Variants in EYS observed in about 807,000 individuals in gnomAD.
The protein encoded by EYS is protein eyes shut homolog.
A neutral mutation model predicts 282.1 loss-of-function variants in EYS; 250 were observed. The observed-to-expected ratio is 0.89, with a 90% CI of 0.80 to 0.98. The LOEUF (loss-of-function observed/expected upper bound fraction) is 0.98. Among genes scored for constraint, EYS ranks in the 50% least tolerant of loss-of-function variants. The pLI is 0.00. For missense variants in EYS, 4,016 were observed against 3,709.0 expected (o/e 1.08, Z -2.15); for synonymous variants, 1,355 against 1,282.9 (o/e 1.06, Z -1.20).
At position 64,694,747 on chromosome 6, in the gene EYS, G is replaced by T. The variant is rs116178536; in HGVS notation, c.3444-68502C>A. 5.4e-3 allele frequency among the ~76,000 whole-genome samples: 830 copies of T among 152,306 alleles called. 3 individuals are homozygous for T. The highest frequency in any genetic ancestry group is 9.2e-3 in the Non-Finnish European group (625 of 68,018). On this transcript the variant is annotated intron_variant, in intron 22 of 42. Coordinates refer to ENST00000503581, the MANE Select transcript of EYS (RefSeq NM_001142800.2). ...ATAAGCTCCAGCGATGGACATGGGA[G>T]TTGGATGTCCCCACTTTTGTGAGAC...
intron 22 of EYS, among the ~76,000 whole-genome samples, chr6:64,735,993 TA>T (rs1181881670): frequency 6.6e-6 from 1 of 152,028 alleles, no homozygotes; most frequent in Non-Finnish European, 1.5e-5. Context: ...TGAAGTTCTA[TA>T]AAAGATGAAT....
chr6:64,738,733 A>G (rs1196543036), intron 22 of EYS, among the ~76,000 whole-genome samples: 2 of 152,244 alleles, frequency 1.3e-5, no homozygotes, highest in African/African-American at 2.4e-5. Context: ...GAGAAAGGCC[A>G]TGCAAAAAAG....
At chr6:63,737,997 C>G (rs1180712630) in intron 41 of EYS, among the ~76,000 whole-genome samples, 1 of 152,222 alleles carries the variant, frequency 6.6e-6, no homozygotes, top group African/African-American at 2.4e-5. Flanking sequence ...TGCTCACCAT[C>G]ACTGGCCATC....
At chr6:65,383,853 A>G (rs941974078) in intron 8 of EYS, among the ~76,000 whole-genome samples, 1 of 151,920 alleles carries the variant, frequency 6.6e-6, no homozygotes, top group Non-Finnish European at 1.5e-5. Flanking sequence ...TACCAGGTTT[A>G]GTTTCAGATT....
chr6:64,418,071 A>T (rs1029442816), intron 28 of EYS, among the ~76,000 whole-genome samples: 1 of 152,180 alleles, frequency 6.6e-6, no homozygotes, highest in Admixed American at 6.5e-5. Context: ...CAGAGTGGTG[A>T]CATAGGAGAA....
intron 35 of EYS, among the ~76,000 whole-genome samples, chr6:63,968,905 A>G (rs1243253918): frequency 1.3e-5 from 2 of 152,226 alleles, no homozygotes; most frequent in African/African-American, 4.8e-5. Context: ...CTTGGTAGGA[A>G]TATGTGAAAA....
chr6:65,198,797 G>A (rs1405895648), intron 12 of EYS, among the ~76,000 whole-genome samples: 2 of 152,124 alleles, frequency 1.3e-5, no homozygotes, highest in African/African-American at 4.8e-5. Flanking sequence ...GTTCAGATTA[G>A]GTGGTAACCT....
intron 22 of EYS, among the ~76,000 whole-genome samples, chr6:64,747,066 C>A (rs1457421334): frequency 6.6e-6 from 1 of 152,190 alleles, no homozygotes; most frequent in African/African-American, 2.4e-5. Flanking sequence ...CCATCTGTAA[C>A]TATTCTCTGG....
rs778809745 is a variant in EYS, at chr6:63,937,345, C to CTTTTTTTTTTTTT, written c.7055+47025_7055+47037dup. The stretch of plus-strand genomic sequence containing the variant: ...CAAATTTTCTAGGCTTCTCTCTTTT[C>CTTTTTTTTTTTTT]TTTTTTTTTTTTTTTTTTTTTTTTT... On this transcript the variant is annotated intron_variant, in intron 35 of 42. Transcript: ENST00000503581. 3.3e-4 allele frequency among the ~76,000 whole-genome samples: 18 copies of CTTTTTTTTTTTTT among 54,486 alleles called. 2 individuals are homozygous for CTTTTTTTTTTTTT. The highest frequency in any genetic ancestry group is 5.3e-4 in the Non-Finnish European group (15 of 28,428). 35.7% of individuals were successfully genotyped at this position (54,486 alleles called of 152,430 possible).
chr6:64,198,825 C>G (rs191336339), intron 31 of EYS, among the ~76,000 whole-genome samples: 2 of 152,238 alleles, frequency 1.3e-5, no homozygotes, highest in Admixed American at 1.3e-4. Flanking sequence ...GATTTATAAT[C>G]CTTTGAGCGT....
At chr6:64,662,459 T>C (rs1269699314) in intron 22 of EYS, among the ~76,000 whole-genome samples, 1 of 152,162 alleles carries the variant, frequency 6.6e-6, no homozygotes, top group East Asian at 1.9e-4. Flanking sequence ...GCAAATACTT[T>C]CTGTTCAGAA....
chr6:65,202,811 GGA>G (rs1765935984), intron 12 of EYS, among the ~76,000 whole-genome samples: 1 of 152,094 alleles, frequency 6.6e-6, no homozygotes, highest in Non-Finnish European at 1.5e-5. Context: ...GATGCCAGAG[GGA>G]GACTCACCAA....
chr6:65,295,494 C>T (rs1768635877), intron 12 of EYS, among the ~76,000 whole-genome samples: 1 of 151,882 alleles, frequency 6.6e-6, no homozygotes, highest in South Asian at 2.1e-4. Context: ...ATTGTCACTC[C>T]ATGTGCTTAT....
chr6:63,796,351 C>T (rs954236124), intron 37 of EYS, among the ~76,000 whole-genome samples: 4 of 152,116 alleles, frequency 2.6e-5, no homozygotes, highest in Non-Finnish European at 5.9e-5. Context: ...CATATTGGGA[C>T]TCTAAAACAT....
chr6:65,615,336 T>C (rs1766147355), intron 2 of EYS, among the ~76,000 whole-genome samples: 2 of 151,230 alleles, frequency 1.3e-5, no homozygotes, highest in South Asian at 2.1e-4. Context: ...CTGAGGAAAA[T>C]AATTCATCCC....
At chr6:63,759,235 C>G (rs961162827) in intron 41 of EYS, among the ~76,000 whole-genome samples, 4 of 152,060 alleles carry the variant, frequency 2.6e-5, no homozygotes, top group Admixed American at 1.3e-4. Context: ...TCTCCCCAGA[C>G]TTTAGCCAAA....
Position 64,449,500 on chromosome 6 carries a change from A to T in EYS, c.5645-10148T>A, listed in dbSNP as rs533058002. Among the ~76,000 whole-genome samples the T allele has an allele frequency of 2.2e-3, 342 of 152,292 alleles. 2 individuals are homozygous for T. The highest frequency in any genetic ancestry group is 7.9e-3 in the African/African-American group (329 of 41,556). ...GCCAACATTCAAATTCAGGAAATAC[A>T]GAGAATGCCACAAAGATACTCCTCG... is the stretch of plus-strand genomic sequence containing the variant. On this transcript the variant is annotated intron_variant, in intron 26 of 42. Transcript: ENST00000503581.
intron 27 of EYS, among the ~76,000 whole-genome samples, chr6:64,436,906 T>A (rs1316334397): frequency 4.0e-5 from 6 of 151,794 alleles, no homozygotes. Flanking sequence ...GATTATATTG[T>A]GTCTATTCTT....
intron 12 of EYS, among the ~76,000 whole-genome samples, chr6:65,218,248 A>G (rs1766366220): frequency 6.6e-6 from 1 of 152,128 alleles, no homozygotes. Flanking sequence ...TGACTTTTGT[A>G]TTTAATTCAT....
Sources: allele counts gnomAD v4.1 joint callset (sites outside exome capture counted in the v4.1 genomes callset), GRCh38; gene constraint gnomAD v4.1.1; transcripts MANE v1.5; gene names NCBI Gene and HGNC (gene_info 2026-07-23, HGNC 2026-07-21).